VPS13B: variants seen among roughly 807,000 people sequenced by gnomAD.
VPS13B encodes intermembrane lipid transfer protein VPS13B.
In VPS13B, 285 loss-of-function variants were observed where a neutral mutation model predicts 426.4. That is an observed-to-expected ratio of 0.67 (90% CI 0.61 to 0.74). VPS13B has a LOEUF of 0.74. Among genes scored for constraint, VPS13B ranks in the 30% least tolerant of loss-of-function variants. The pLI is 0.00. For synonymous variants in VPS13B, 1,676 were observed against 1,676.4 expected (o/e 1.00, Z 0.01); for missense variants, 4,537 against 4,782.6 (o/e 0.95, Z 1.51).
intron 25 of VPS13B, among the ~76,000 whole-genome samples, chr8:99,488,014 T>C (rs1281552697): frequency 6.6e-6 from 1 of 152,164 alleles, no homozygotes; most frequent in Non-Finnish European, 1.5e-5. Context: ...AAAACTCATG[T>C]AGTACTAGAA....
chr8:99,521,065 TATAGTGGTCAATAAC>T, intron 30 of VPS13B, 55 bp downstream of exon 30: 1 of 1,376,064 alleles, frequency 7.3e-7, no homozygotes, highest in African/African-American at 1.4e-5. Flanking sequence ...TGCAAACACA[TATAGTGGTCAATAAC>T]TTAGTGTGGC....
intron 3 of VPS13B, among the ~76,000 whole-genome samples, chr8:99,075,540 T>C (rs1468559203): frequency 1.3e-5 from 2 of 152,204 alleles, no homozygotes; most frequent in Non-Finnish European, 2.9e-5. Context: ...GGGGGTTACA[T>C]TGAGGGGCCA....
intron 35 of VPS13B, among the ~76,000 whole-genome samples, chr8:99,674,873 A>T (rs534185170): frequency 6.6e-6 from 1 of 152,216 alleles, no homozygotes; most frequent in East Asian, 1.9e-4. Flanking sequence ...CACATTTTGA[A>T]TGTTATTTAA....
chr8:99,366,451 C>G (rs1359522656), intron 19 of VPS13B, among the ~76,000 whole-genome samples: 8 of 151,234 alleles, frequency 5.3e-5, no homozygotes, highest in Non-Finnish European at 1.0e-4. Flanking sequence ...TTTTCCACCC[C>G]TTCATTTTGT....
intron 42 of VPS13B, among the ~76,000 whole-genome samples, 192 bp downstream of exon 42, chr8:99,779,223 G>A (rs1241999618): frequency 1.3e-5 from 2 of 152,188 alleles, no homozygotes; most frequent in Non-Finnish European, 2.9e-5. Context: ...AAAAACTGGA[G>A]AATATAGGTT....
chr8:99,256,553 G>C (rs1337697880), intron 17 of VPS13B, among the ~76,000 whole-genome samples: 1 of 151,968 alleles, frequency 6.6e-6, no homozygotes, highest in African/African-American at 2.4e-5. Context: ...GATATCATCT[G>C]TTATTATTAT....
chr8:99,390,720 C>T (rs1249712456), intron 20 of VPS13B, among the ~76,000 whole-genome samples: 1 of 152,146 alleles, frequency 6.6e-6, no homozygotes, highest in Non-Finnish European at 1.5e-5. Flanking sequence ...CTAAAATTTC[C>T]TTCTCAAACT....
chr8:99,306,928 G>A (rs1318227603), intron 19 of VPS13B, among the ~76,000 whole-genome samples: 1 of 152,140 alleles, frequency 6.6e-6, no homozygotes, highest in Non-Finnish European at 1.5e-5. Flanking sequence ...GTGAGGCAGA[G>A]TTAGATTTCA....
intron 17 of VPS13B, among the ~76,000 whole-genome samples, chr8:99,254,723 A>T (rs949105766): frequency 8.6e-5 from 13 of 151,970 alleles, no homozygotes; most frequent in Non-Finnish European, 1.6e-4. Context: ...AACTCACTGC[A>T]ATGTCTGCCC....
intron 8 of VPS13B, among the ~76,000 whole-genome samples, chr8:99,127,606 T>C (rs1002554271): frequency 6.6e-6 from 1 of 152,162 alleles, no homozygotes; most frequent in Non-Finnish European, 1.5e-5. Context: ...TATTGCAACT[T>C]ATAGACCAGT....
chr8:99,275,303 TTTTTC>T, intron 19 of VPS13B, 49 bp downstream of exon 19: 1 of 1,499,640 alleles, frequency 6.7e-7, no homozygotes, highest in Non-Finnish European at 8.9e-7. Flanking sequence ...TTTTTTTTTT[TTTTTC>T]CAGAAAGGCT....
At chr8:99,527,467 T>G (rs556129140) in intron 30 of VPS13B, among the ~76,000 whole-genome samples, 68 of 152,250 alleles carry the variant, frequency 4.5e-4, no homozygotes, top group African/African-American at 1.6e-3. Flanking sequence ...TCTACCTGGT[T>G]TATAACTGCC....
intron 30 of VPS13B, among the ~76,000 whole-genome samples, chr8:99,540,065 T>TA (rs1823529945): frequency 8.7e-5 from 1 of 11,512 alleles, no homozygotes; most frequent in African/African-American, 3.3e-4. Flanking sequence ...ATATATATAT[T>TA]TTTTTTTTTT....
At chr8:99,051,345 T>A (rs541459971) in intron 3 of VPS13B, among the ~76,000 whole-genome samples, 1 of 152,166 alleles carries the variant, frequency 6.6e-6, no homozygotes, top group Non-Finnish European at 1.5e-5. Context: ...ATTGTAGATA[T>A]GCGGCATTAT....
intron 49 of VPS13B, 128 bp from the exon 50 acceptor site, chr8:99,821,166 A>ACACC (rs1449961473): frequency 1.9e-6 from 1 of 527,890 alleles, no homozygotes; most frequent in African/African-American, 2.2e-5. Flanking sequence ...ACACACACAC[A>ACACC]CCATGGAGGG....
intron 13 of VPS13B, 53 bp from the exon 14 acceptor site, chr8:99,147,788 A>C: frequency 8.2e-7 from 1 of 1,214,102 alleles, no homozygotes; most frequent in Non-Finnish European, 1.1e-6. Context: ...TCAGTTGTTT[A>C]AGAATATTAT....
chr8:99,159,216 A>G (rs992266252), intron 15 of VPS13B, among the ~76,000 whole-genome samples: 5 of 152,248 alleles, frequency 3.3e-5, no homozygotes, highest in African/African-American at 1.2e-4. Context: ...CAATCTCATG[A>G]TAAAACTTGA....
chr8:99,834,147 G>A (rs901340451), intron 52 of VPS13B, among the ~76,000 whole-genome samples: 1 of 152,222 alleles, frequency 6.6e-6, no homozygotes, highest in Admixed American at 6.5e-5. Flanking sequence ...AAGCTTTTTA[G>A]AGCATTATTG....
At chr8:99,497,051 TA>T (rs1820923900) in intron 25 of VPS13B, among the ~76,000 whole-genome samples, 3 of 147,214 alleles carry the variant, frequency 2.0e-5, no homozygotes, top group Admixed American at 6.9e-5. Context: ...AATACTAGAA[TA>T]TTTATTTACA....
Sources: allele counts gnomAD v4.1 joint callset (sites outside exome capture counted in the v4.1 genomes callset), GRCh38; gene constraint gnomAD v4.1.1; transcripts MANE v1.5; gene names NCBI Gene and HGNC (gene_info 2026-07-23, HGNC 2026-07-21).